Variants in EEPD1 observed in about 807,000 individuals in gnomAD.
EEPD1 encodes the protein endonuclease/exonuclease/phosphatase family domain containing 1.
Under a neutral mutation model 46.3 loss-of-function variants are expected in EEPD1, and 17 were observed. That is an observed-to-expected ratio of 0.37 (90% CI 0.25 to 0.55). The LOEUF is 0.55. Among genes scored for constraint, EEPD1 ranks in the 20% least tolerant of loss-of-function variants. The pLI, the probability that EEPD1 is intolerant of heterozygous loss-of-function variation, is 0.83. For missense variants in EEPD1, 673 were observed against 745.6 expected (o/e 0.90, Z 1.13); for synonymous variants, 313 against 315.6 (o/e 0.99, Z 0.09).
intron 2 of EEPD1, among the ~76,000 whole-genome samples, chr7:36,204,739 C>T (rs1785782047): frequency 6.6e-6 from 1 of 152,210 alleles, no homozygotes; most frequent in African/African-American, 2.4e-5. Context: ...CCTCTTCCCC[C>T]TCTATATTCC....
At chr7:36,283,454 T>G (rs1035374307) in intron 4 of EEPD1, among the ~76,000 whole-genome samples, 1 of 152,132 alleles carries the variant, frequency 6.6e-6, no homozygotes, top group African/African-American at 2.4e-5. Flanking sequence ...GGTAAGTTAC[T>G]CTGGCACCAT....
chr7:36,278,355 G>A (rs764782452), intron 3 of EEPD1, among the ~76,000 whole-genome samples: 39 of 152,178 alleles, frequency 2.6e-4, no homozygotes, highest in Non-Finnish European at 4.9e-4. Context: ...GTCCTCCTGG[G>A]GGTTAGGAGA....
intron 2 of EEPD1, among the ~76,000 whole-genome samples, chr7:36,197,436 G>T (rs1396129019): frequency 3.3e-5 from 5 of 152,242 alleles, no homozygotes; most frequent in Non-Finnish European, 7.3e-5. Context: ...ATTGAGAACG[G>T]GCCATGATGA....
intron 1 of EEPD1, among the ~76,000 whole-genome samples, 190 bp downstream of exon 1, chr7:36,153,864 A>G (rs75667053): frequency 0.02 from 3,010 of 152,246 alleles, 86 homozygotes; most frequent in African/African-American, 0.069. Flanking sequence ...GAGTTGAGAG[A>G]GGCCTGGAGG....
intron 2 of EEPD1, among the ~76,000 whole-genome samples, chr7:36,229,957 GT>G (rs1786294657): frequency 6.6e-6 from 1 of 151,404 alleles, no homozygotes; most frequent in South Asian, 2.1e-4. Flanking sequence ...ACTTGCTGAG[GT>G]ACAGCCAGTT....
chr7:36,233,662 C>T (rs965089135), intron 2 of EEPD1, among the ~76,000 whole-genome samples: 4 of 152,098 alleles, frequency 2.6e-5, no homozygotes, highest in Non-Finnish European at 5.9e-5. Context: ...TGGTTTAACT[C>T]GGGTGTCCAG....
At chr7:36,252,829 C>CTTTTTTTTTTTTTTT (rs71553053) in intron 3 of EEPD1, among the ~76,000 whole-genome samples, 1 of 54,896 alleles carries the variant, frequency 1.8e-5, no homozygotes, top group African/African-American at 7.7e-5. Flanking sequence ...GTGTTCTCTC[C>CTTTTTTTTTTTTTTT]TTTTTTTTTT....
At chr7:36,248,812 T>C (rs992514886) in intron 3 of EEPD1, among the ~76,000 whole-genome samples, 26 of 152,222 alleles carry the variant, frequency 1.7e-4, no homozygotes, top group African/African-American at 6.3e-4. Flanking sequence ...GTGAGCAGAT[T>C]GGGGGTGGGT....
chr7:36,159,649 C>T (rs1784872994), intron 2 of EEPD1, among the ~76,000 whole-genome samples: 1 of 152,236 alleles, frequency 6.6e-6, no homozygotes, highest in Admixed American at 6.5e-5. Flanking sequence ...CATTTCCTCC[C>T]TGCCTTTGGC....
At chr7:36,229,978 A>G (rs1786295040) in intron 2 of EEPD1, among the ~76,000 whole-genome samples, 1 of 151,312 alleles carries the variant, frequency 6.6e-6, no homozygotes, top group Non-Finnish European at 1.5e-5. Context: ...TACCTCCTCA[A>G]ACTCCACTCA....
Position 36,281,194 on chromosome 7 carries a change from T to G in EEPD1, c.1010T>G (p.Val337Gly). 1 of 1,614,228 alleles carries G rather than the reference T, an allele frequency of 6.2e-7. No individual in the cohort carries two copies. Among genetic ancestry groups the G allele is most frequent in the Admixed American group, 1.7e-5 (1 of 60,034 alleles). The change falls in exon 4 of 8, where the codon GTT (valine) becomes GGT (glycine). Residue 337 changes from valine to glycine, a missense_variant. Transcript: ENST00000242108. Reference sequence around the variant, plus strand: ...CCCCGGGGATGCTGGAAGGCTGTTGTTGCTGAGAAGCCCTCGAGTCAGCTC... The same window carrying G: ...CCCCGGGGATGCTGGAAGGCTGTTGGTGCTGAGAAGCCCTCGAGTCAGCTC... ...KGPRGCWKAVVAEKPSSQLQK... is the reference protein window; with the variant it reads ...KGPRGCWKAVGAEKPSSQLQK...
chr7:36,279,504 G>A (rs1787229987), intron 3 of EEPD1, among the ~76,000 whole-genome samples: 1 of 152,164 alleles, frequency 6.6e-6, no homozygotes, highest in Non-Finnish European at 1.5e-5. Context: ...GCAATGTGAG[G>A]GGAAAGACCA....
At chr7:36,223,384 A>T (rs1204451961) in intron 2 of EEPD1, among the ~76,000 whole-genome samples, 2 of 151,958 alleles carry the variant, frequency 1.3e-5, no homozygotes, top group African/African-American at 4.8e-5. Context: ...AGTATGTAAG[A>T]CACCACAGAA....
intron 2 of EEPD1, among the ~76,000 whole-genome samples, chr7:36,216,343 A>C (rs190864142): frequency 6.8e-6 from 1 of 147,414 alleles, no homozygotes; most frequent in East Asian, 1.9e-4. Context: ...CTGAGGAAAC[A>C]ATTGGCAATC....
intron 2 of EEPD1, among the ~76,000 whole-genome samples, chr7:36,201,471 C>T (rs1298618962): frequency 2.0e-5 from 3 of 152,100 alleles, no homozygotes; most frequent in African/African-American, 7.2e-5. Context: ...GGACTAGGTT[C>T]GAAACTTGTT....
At chr7:36,297,262 C>A in intron 7 of EEPD1, 75 bp downstream of exon 7, 2 of 1,497,652 alleles carry the variant, frequency 1.3e-6, no homozygotes, top group South Asian at 1.2e-5. Flanking sequence ...TGACAGAAGT[C>A]ATCTCACCTC....
intron 2 of EEPD1, among the ~76,000 whole-genome samples, chr7:36,179,183 C>T (rs1411779293): frequency 6.6e-6 from 1 of 152,144 alleles, no homozygotes; most frequent in Non-Finnish European, 1.5e-5. Context: ...GGTTTACTAC[C>T]CCCAGTGGTA....
intron 3 of EEPD1, among the ~76,000 whole-genome samples, chr7:36,267,372 C>G (rs1202501827): frequency 6.6e-6 from 1 of 152,156 alleles, no homozygotes; most frequent in African/African-American, 2.4e-5. Context: ...CCTGCCCCCT[C>G]CCTCCACATC....
Position 36,193,517 on chromosome 7 carries a change from C to T in EEPD1, c.878+38315C>T, listed in dbSNP as rs1053699012. 1.2e-4 allele frequency among the ~76,000 whole-genome samples: 19 copies of T among 152,154 alleles called. No individual in the cohort carries two copies. Among genetic ancestry groups the T allele is most frequent in the Non-Finnish European group, 2.6e-4 (18 of 68,032 alleles). On this transcript the variant is annotated intron_variant, in intron 2 of 7. Coordinates refer to ENST00000242108, the MANE Select transcript of EEPD1 (RefSeq NM_030636.3). This position sits in a 1 kb window ranked among gnomAD's most constrained non-coding sequence, Gnocchi z 4.9. ...AGGCAGAGGGAGGCCATGGGAAGCACCCAGGGCTGGGCTCTGGGTGTATCT... is the reference window on the plus strand; with the variant it reads ...AGGCAGAGGGAGGCCATGGGAAGCATCCAGGGCTGGGCTCTGGGTGTATCT...
Sources: allele counts gnomAD v4.1 joint callset (sites outside exome capture counted in the v4.1 genomes callset), GRCh38; gene constraint gnomAD v4.1.1; non-coding constraint Gnocchi (gnomAD v3.1); transcripts MANE v1.5; gene names NCBI Gene and HGNC (gene_info 2026-07-23, HGNC 2026-07-21).